The following IGF2BP1 variants were observed in gnomAD, a reference collection of about 807,000 sequenced individuals.
The protein encoded by IGF2BP1 is insulin-like growth factor 2 mRNA-binding protein 1.
IGF2BP1 carries 11 observed loss-of-function variants against 74.9 expected under a neutral mutation model. The observed-to-expected ratio is 0.15, with a 90% CI of 0.09 to 0.24. The LOEUF is 0.24. IGF2BP1 is among the 10% of genes least tolerant of loss of function. The probability of loss-of-function intolerance (pLI) is 1.00; values close to 1 mark genes in which losing one functional copy is unlikely to be tolerated. For missense variants in IGF2BP1, 440 were observed against 757.4 expected, an observed-to-expected ratio of 0.58 and a Z score of 4.92; for synonymous variants, 287 against 281.8, an observed-to-expected ratio of 1.02 and a Z score of -0.18.
intron 2 of IGF2BP1, among the ~76,000 whole-genome samples, chr17:49,019,331 T>G (rs2041746818): frequency 6.6e-6 from 1 of 152,128 alleles, no homozygotes. Flanking sequence ...CAACCCCCCG[T>G]AAGCTCCTCA....
At chr17:49,040,403 G>T (rs2042037342) in intron 7 of IGF2BP1, among the ~76,000 whole-genome samples, 1 of 152,160 alleles carries the variant, frequency 6.6e-6, no homozygotes, top group East Asian at 1.9e-4. Context: ...TTTTTGTAGA[G>T]ATGGGGTGTC....
At position 49,021,845 on chromosome 17, in the gene IGF2BP1, C is replaced by CT. The variant is rs1326577447; in HGVS notation, c.237-3772dup. 2.6e-5 allele frequency among the ~76,000 whole-genome samples: 4 copies of CT among 152,210 alleles called. No homozygotes were observed. In the East Asian group the frequency reaches 7.7e-4, roughly 29 times the overall value. On this transcript the variant is annotated intron_variant, in intron 2 of 14. Coordinates refer to ENST00000290341, the MANE Select transcript of IGF2BP1 (RefSeq NM_006546.4). ...CTTCTCAGCTCTGGTAGAAGCTGGTCTACTGAAGTGCTGGAGCGGGTCCCT... is the reference window on the plus strand; with the variant it reads ...CTTCTCAGCTCTGGTAGAAGCTGGTCTTACTGAAGTGCTGGAGCGGGTCCCT...
chr17:48,998,623 A>G (rs1407305150), intron 1 of IGF2BP1, among the ~76,000 whole-genome samples: 1 of 149,464 alleles, frequency 6.7e-6, no homozygotes, highest in African/African-American at 2.5e-5. Context: ...CCGCTCCCCC[A>G]GGTCCACCCC....
chr17:48,999,543 G>A (rs1182126591), intron 2 of IGF2BP1, among the ~76,000 whole-genome samples: 2 of 151,908 alleles, frequency 1.3e-5, no homozygotes, highest in Admixed American at 6.6e-5. Flanking sequence ...CTGCAACTTC[G>A]TAGCAGGCCT....
At chr17:49,000,333 T>C (rs528061972) in intron 2 of IGF2BP1, among the ~76,000 whole-genome samples, 1 of 152,312 alleles carries the variant, frequency 6.6e-6, no homozygotes, top group South Asian at 2.1e-4. Flanking sequence ...CTAGAAAGTT[T>C]AATGTGAGAT....
intron 4 of IGF2BP1, 110 bp downstream of exon 4, chr17:49,026,627 TCCTTCCTGCCTTCCTTCCTGCCTG>T: frequency 4.3e-6 from 2 of 468,876 alleles, no homozygotes; most frequent in South Asian, 4.5e-5. Flanking sequence ...CTTCCTTCCT[TCCTTCCTGCCTTCCTTCCTGCCTG>T]CCTTCCTGCC....
intron 2 of IGF2BP1, among the ~76,000 whole-genome samples, chr17:49,001,878 T>C (rs142396971): frequency 8.5e-5 from 13 of 152,252 alleles, no homozygotes; most frequent in African/African-American, 2.6e-4. Context: ...TGTGACTTGA[T>C]TACTTTGAGA....
At chr17:49,008,329 T>A (rs948363088) in intron 2 of IGF2BP1, among the ~76,000 whole-genome samples, 1 of 152,222 alleles carries the variant, frequency 6.6e-6, no homozygotes, top group African/African-American at 2.4e-5. Context: ...ATAATCTTGT[T>A]AAGGGTCTTC....
chr17:49,019,907 TATATA>T (rs1567815614), intron 2 of IGF2BP1, among the ~76,000 whole-genome samples: 7 of 16,544 alleles, frequency 4.2e-4, no homozygotes, highest in African/African-American at 1.7e-3. Flanking sequence ...GGCTAATTTA[TATATA>T]TATATATATA....
chr17:49,023,797 T>G (rs117206714), intron 2 of IGF2BP1, among the ~76,000 whole-genome samples: 1 of 152,268 alleles, frequency 6.6e-6, no homozygotes, highest in Non-Finnish European at 1.5e-5. Flanking sequence ...ATAAATGCAA[T>G]TGGCCAATGC....
At chr17:49,027,690 A>C (rs1165840386) in intron 4 of IGF2BP1, among the ~76,000 whole-genome samples, 1 of 151,448 alleles carries the variant, frequency 6.6e-6, no homozygotes. Context: ...GTCTCTACTG[A>C]AAATATAAAA....
intron 2 of IGF2BP1, among the ~76,000 whole-genome samples, chr17:49,023,190 G>A (rs1282480178): frequency 6.6e-6 from 1 of 152,180 alleles, no homozygotes; most frequent in Non-Finnish European, 1.5e-5. Context: ...TCACAAAAAG[G>A]TGGTCTGATG....
intron 2 of IGF2BP1, among the ~76,000 whole-genome samples, chr17:49,015,231 C>T (rs2143990565): frequency 6.6e-6 from 1 of 152,292 alleles, no homozygotes; most frequent in East Asian, 1.9e-4. Flanking sequence ...CTTCTGCTTC[C>T]CAAAGTGCTG....
rs757116350 is a variant in IGF2BP1 at position 49,040,065 on chromosome 17, G to A, written c.792G>A (p.Met264Ile). 5.0e-6 allele frequency: 8 copies of A among 1,614,032 alleles called. No homozygotes were observed. The Admixed American group carries it at 8.3e-5, about 17-fold the overall frequency. Residue 264 changes from methionine to isoleucine, a missense_variant, in exon 7 of 15, where the codon ATG becomes ATA. This residue lies in a region of IGF2BP1 where 184 missense variants were observed against 273.4 expected (regional missense o/e 0.67). Transcript: ENST00000290341. ...CTTGTAAGATGATCTTGGAGATTAT[G>A]CATAAAGAGGCTAAGGACACCAAAA... Reference protein sequence around the residue: ...SSACKMILEIMHKEAKDTKTA... With the variant: ...SSACKMILEIIHKEAKDTKTA...
At chr17:49,002,685 A>G (rs1001504910) in intron 2 of IGF2BP1, among the ~76,000 whole-genome samples, 8 of 151,988 alleles carry the variant, frequency 5.3e-5, no homozygotes, top group African/African-American at 1.4e-4. Context: ...TTTTCTTATT[A>G]ATATTAGGTT....
chr17:48,998,176 C>T (rs527453837), intron 1 of IGF2BP1, among the ~76,000 whole-genome samples: 2 of 152,280 alleles, frequency 1.3e-5, no homozygotes, highest in African/African-American at 4.8e-5. Context: ...CCCCATCCTT[C>T]CTCCCCACCG....
intron 14 of IGF2BP1, among the ~76,000 whole-genome samples, chr17:49,047,339 A>G (rs965631659): frequency 2.0e-5 from 3 of 152,070 alleles, no homozygotes; most frequent in Admixed American, 6.5e-5. Flanking sequence ...ATATATATAT[A>G]AAATAACAAA....
intron 2 of IGF2BP1, among the ~76,000 whole-genome samples, chr17:49,021,823 C>A (rs1294332887): frequency 6.6e-6 from 1 of 152,246 alleles, no homozygotes; most frequent in East Asian, 1.9e-4. Flanking sequence ...AAAGGCACTT[C>A]TCAGCTCTGG....
At chr17:49,023,729 G>GTCCA (rs2041818990) in intron 2 of IGF2BP1, among the ~76,000 whole-genome samples, 1 of 152,204 alleles carries the variant, frequency 6.6e-6, no homozygotes, top group Non-Finnish European at 1.5e-5. Flanking sequence ...CAAGCCACTA[G>GTCCA]AGTTTTTTTG....
Sources: gnomAD v4.1 joint callset for allele counts (sites outside exome capture counted in the v4.1 genomes callset) on GRCh38, gnomAD v4.1.1 for gene constraint, gnomAD v4.1.1 regional missense constraint, MANE v1.5 for transcripts, NCBI Gene and HGNC (gene_info 2026-07-23, HGNC 2026-07-21) for gene names.